YME1L1: variants seen among roughly 807,000 people sequenced by gnomAD.
The protein encoded by YME1L1 is ATP-dependent zinc metalloprotease YME1L1.
Under a neutral mutation model 90.4 loss-of-function variants are expected in YME1L1, and 39 were observed. The observed-to-expected ratio is 0.43, with a 90% CI of 0.33 to 0.56. The LOEUF (loss-of-function observed/expected upper bound fraction) is 0.56. YME1L1 is among the 20% of genes least tolerant of loss of function. The pLI is 0.03. For missense variants in YME1L1, 617 were observed against 868.4 expected, an observed-to-expected ratio of 0.71 and a Z score of 3.64; for synonymous variants, 284 against 287.3, an observed-to-expected ratio of 0.99 and a Z score of 0.12.
chr10:27,134,171 G>A lies in YME1L1; in HGVS notation c.692-49C>T, dbSNP rs200673912. ...ACATGAAATCACATTTATGAAATAT[G>A]ACAGCTCAATGAAATGCAAATATTA... On this transcript the variant is annotated intron_variant, in intron 6 of 18. Transcript: ENST00000376016. 1.7e-4 allele frequency: 230 copies of A among 1,357,126 alleles called. No homozygotes were observed. The African/African-American group carries it at 3.1e-3, about 18-fold the overall frequency. 84.1% of individuals were successfully genotyped at this position (1,357,126 alleles called of 1,614,324 possible).
intron 2 of YME1L1, chr10:27,147,410 A>T: frequency 6.2e-7 from 1 of 1,606,114 alleles, no homozygotes; most frequent in South Asian, 1.1e-5. Context: ...CAAGTGAAAG[A>T]TGGCAAGAAC....
chr10:27,152,884 G>A (rs2057239760), intron 1 of YME1L1, among the ~76,000 whole-genome samples: 1 of 152,092 alleles, frequency 6.6e-6, no homozygotes, highest in African/African-American at 2.4e-5. Flanking sequence ...TATAGCAAAA[G>A]CCAGTCATCT....
intron 4 of YME1L1, among the ~76,000 whole-genome samples, chr10:27,142,023 C>T (rs960521318): frequency 2.6e-5 from 4 of 151,948 alleles, no homozygotes; most frequent in Non-Finnish European, 5.9e-5. Flanking sequence ...AATTTCTCGT[C>T]CGTTAACGGA....
Position 27,122,910 on chromosome 10 carries a change from T to A in YME1L1, c.1166A>T (p.Lys389Met). 1 of 1,613,552 alleles carries A rather than the reference T, an allele frequency of 6.2e-7. No individual in the cohort carries two copies. The highest frequency in any genetic ancestry group is 8.5e-7 in the Non-Finnish European group (1 of 1,179,754). Residue 389 changes from lysine (K) to methionine (M), a missense_variant, in exon 11 of 19, where the codon AAG becomes ATG. Transcript: ENST00000376016. ...FIDELDSVGG[K>M]RIESPMHPYS... The stretch of plus-strand genomic sequence containing the variant: ...TGGATGCATTGGAGATTCAATTCTC[T>A]TCCCACCAACAGAATCTAATTCATC...
rs771866707 is a variant in YME1L1, at chr10:27,154,355, C to A, written c.-145G>T. 6.6e-6 allele frequency: 6 copies of A among 915,280 alleles called. No individual in the cohort carries two copies. The highest frequency in any genetic ancestry group is 9.9e-6 in the Non-Finnish European group (6 of 607,578). 56.7% of individuals were successfully genotyped at this position (915,280 alleles called of 1,614,324 possible). On this transcript the variant is annotated 5_prime_UTR_variant, in exon 1 of 19. Transcript: ENST00000376016. ...TCCTCCCAGAAACGGAAAATGGCCT[C>A]CCCTTCCTACAGCTACTGCAACGAC...
chr10:27,134,436 G>A (rs1169629934), intron 6 of YME1L1, among the ~76,000 whole-genome samples: 1 of 152,120 alleles, frequency 6.6e-6, no homozygotes, highest in Non-Finnish European at 1.5e-5. Flanking sequence ...TTAGCTGGGC[G>A]TGGTGGCACA....
intron 2 of YME1L1, 144 bp from the exon 3 acceptor site, chr10:27,145,734 G>T: frequency 1.4e-6 from 1 of 731,262 alleles, no homozygotes; most frequent in Non-Finnish European, 2.0e-6. Flanking sequence ...ATAAATTGAT[G>T]CAAATATTTT....
At chr10:27,121,071 A>G (rs1017535192) in intron 12 of YME1L1, among the ~76,000 whole-genome samples, 7 of 152,212 alleles carry the variant, frequency 4.6e-5, no homozygotes, top group African/African-American at 1.7e-4. Context: ...TTTTATTGAG[A>G]TGTAATTCAC....
intron 5 of YME1L1, 143 bp downstream of exon 5, chr10:27,136,133 G>A: frequency 4.3e-6 from 3 of 696,324 alleles, no homozygotes; most frequent in Non-Finnish European, 7.2e-6. Context: ...GAGGTATAAT[G>A]ATTACACAGG....
rs753551966 is a variant in YME1L1, at chr10:27,145,411, A to G, written c.331+17T>C. 2.9e-5 allele frequency: 46 copies of G among 1,571,342 alleles called. No individual in the cohort carries two copies. Among genetic ancestry groups the G allele is most frequent in the Middle Eastern group, 1.7e-4 (1 of 5,868 alleles). On this transcript the variant is annotated intron_variant, in intron 3 of 18. Transcript: ENST00000376016. ...GTGCTAAAATATTTAATTGGAACAA[A>G]AAACACATTAACATACCATATTTAT...
chr10:27,140,009 AT>A (rs928673760), intron 4 of YME1L1, among the ~76,000 whole-genome samples: 1 of 151,246 alleles, frequency 6.6e-6, no homozygotes, highest in African/African-American at 2.4e-5. Context: ...TATATCTTAA[AT>A]TTTTTTTTCT....
chr10:27,126,899 CCTT>C (rs1298457862), intron 8 of YME1L1, 113 bp from the exon 9 acceptor site: 10 of 627,570 alleles, frequency 1.6e-5, no homozygotes, highest in African/African-American at 1.4e-4. Context: ...ATTAACCTGA[CCTT>C]CTCTGTTTCA....
At chr10:27,131,479 G>A (rs1420043409) in intron 8 of YME1L1, among the ~76,000 whole-genome samples, 2 of 152,128 alleles carry the variant, frequency 1.3e-5, no homozygotes, top group African/African-American at 4.8e-5. Flanking sequence ...ATCAGTAAGA[G>A]GTACAGGTAA....
intron 18 of YME1L1, among the ~76,000 whole-genome samples, chr10:27,114,009 T>C (rs915123616): frequency 1.3e-5 from 2 of 151,912 alleles, no homozygotes; most frequent in Non-Finnish European, 2.9e-5. Context: ...TAAACAATAC[T>C]CTTCCCATTC....
At chr10:27,130,933 G>C (rs961976064) in intron 8 of YME1L1, among the ~76,000 whole-genome samples, 12 of 152,238 alleles carry the variant, frequency 7.9e-5, no homozygotes, top group African/African-American at 2.9e-4. Context: ...GGCTCTTTTT[G>C]ACTCCTCTTT....
At chr10:27,148,366 C>G (rs966147382) in intron 2 of YME1L1, among the ~76,000 whole-genome samples, 4 of 152,068 alleles carry the variant, frequency 2.6e-5, no homozygotes, top group African/African-American at 9.7e-5. Context: ...CCACACCCGG[C>G]TAATTTTTGT....
intron 1 of YME1L1, among the ~76,000 whole-genome samples, chr10:27,151,520 A>G (rs548473857): frequency 7.4e-4 from 113 of 152,344 alleles, no homozygotes; most frequent in Middle Eastern, 6.8e-3. Context: ...TTCTCATCCC[A>G]TGGATATTGA....
chr10:27,143,698 T>TA (rs1564467395), intron 3 of YME1L1, among the ~76,000 whole-genome samples: 3 of 44,418 alleles, frequency 6.8e-5, no homozygotes, highest in African/African-American at 1.1e-4. Context: ...ACTCGTCTCT[T>TA]TAAAAAAAAA....
Position 27,118,937 on chromosome 10 carries a change from T to G in YME1L1, c.1567+357A>C, listed in dbSNP as rs144270514. On this transcript the variant is annotated intron_variant, in intron 14 of 18. Transcript: ENST00000376016. ...TTCGTAAGATGCCAAATTGTGGTGT[T>G]GTCAAGTATATATTTTCATGTTCCC... 6.8e-4 allele frequency among the ~76,000 whole-genome samples: 103 copies of G among 152,340 alleles called. 1 individual carries two copies. The highest frequency in any genetic ancestry group is 3.4e-3 in the Middle Eastern group (1 of 294).
Sources: gnomAD v4.1 joint callset for allele counts (sites outside exome capture counted in the v4.1 genomes callset) on GRCh38, gnomAD v4.1.1 for gene constraint, MANE v1.5 for transcripts, NCBI Gene and HGNC (gene_info 2026-07-23, HGNC 2026-07-21) for gene names.